Variants in DHRS12 observed in about 807,000 individuals in gnomAD.
DHRS12 encodes dehydrogenase/reductase 12, also known as dehydrogenase/reductase SDR family member 12.
A neutral mutation model predicts 32.1 loss-of-function variants in DHRS12; 29 were observed. That is an observed-to-expected ratio of 0.90 (90% CI 0.67 to 1.23). The LOEUF (loss-of-function observed/expected upper bound fraction) is 1.23. Ranked by LOEUF, DHRS12 falls within the 50% of genes most tolerant of loss-of-function variation. The probability of loss-of-function intolerance (pLI) is 0.00; values close to 1 mark genes in which losing one functional copy is unlikely to be tolerated. For missense variants in DHRS12, 330 were observed against 337.2 expected (o/e 0.98, Z 0.17); for synonymous variants, 150 against 135.9 (o/e 1.10, Z -0.72).
chr13:51,769,202 G>A lies in DHRS12; in HGVS notation c.651C>T (p.Ala217=). ...AQGADTMLWL[A]LSSAAAAQPS... ...GCTGTGCGGCTGCGGCAGAGGAGAG[G>A]GCCAGCCACAGCATGGTGTCCGCGC... The change falls in exon 8 of 9, where the codon GCC becomes GCT. Residue 217 remains alanine (A), a synonymous_variant. Transcript: ENST00000444610. 6.4e-7 allele frequency: 1 copy of A among 1,566,992 alleles called. No individual in the cohort carries two copies. Among genetic ancestry groups the A allele is most frequent in the Non-Finnish European group, 8.6e-7 (1 of 1,157,198 alleles).
rs764740741 is a variant in DHRS12, at chr13:51,769,208, C to CCA, written c.643_644dup (p.Trp215CysfsTer81). 143 of 1,572,990 alleles carry CCA rather than the reference C, an allele frequency of 9.1e-5. No homozygotes were observed. Among genetic ancestry groups the CCA allele is most frequent in the Middle Eastern group, 2.1e-4 (1 of 4,776 alleles). ...CGGCTGCGGCAGAGGAGAGGGCCAG[C>CCA]CACAGCATGGTGTCCGCGCCCTGGG... On this transcript the variant is annotated frameshift_variant, in exon 8 of 9. Transcript: ENST00000444610. LOFTEE classifies it high-confidence loss of function.
chr13:51,770,942 T>C (rs1460786739), intron 7 of DHRS12: 1 of 1,288,918 alleles, frequency 7.8e-7, no homozygotes. Context: ...AACCTTGTTT[T>C]CCCTATCTTT....
At chr13:51,756,367 C>T in the DHRS12 span, 1 of 1,613,946 alleles carries the variant, frequency 6.2e-7, no homozygotes, top group Non-Finnish European at 8.5e-7. Context: ...CCGTCTGTGG[C>T]AAGTGCAGCT....
the DHRS12 span, chr13:51,761,810 A>C: frequency 6.6e-6 from 1 of 152,308 alleles, no homozygotes; most frequent in East Asian, 1.9e-4. Flanking sequence ...GGTACATGGA[A>C]GCTGTCACTT....
At chr13:51,756,443 G>A in the DHRS12 span, 11 of 1,613,894 alleles carry the variant, frequency 6.8e-6, no homozygotes, top group South Asian at 2.2e-5. Context: ...CAGCTGCCAC[G>A]AGGCCATCAC....
chr13:51,761,201 T>A, the DHRS12 span: 5 of 152,202 alleles, frequency 3.3e-5, no homozygotes, highest in Non-Finnish European at 7.3e-5. Flanking sequence ...GCAGGCTATG[T>A]TTCTGTGGGA....
chr13:51,784,835 T>C (rs1421131868), intron 4 of DHRS12, among the ~76,000 whole-genome samples: 1 of 152,244 alleles, frequency 6.6e-6, no homozygotes, highest in African/African-American at 2.4e-5. Context: ...ACTGAAATTA[T>C]GTATGTGTCT....
chr13:51,795,119 G>A (rs552449380), intron 2 of DHRS12, among the ~76,000 whole-genome samples: 1 of 152,284 alleles, frequency 6.6e-6, no homozygotes, highest in African/African-American at 2.4e-5. Context: ...ACGTGACCTT[G>A]AGCCTTACCT....
At chr13:51,799,777 C>T in intron 1 of DHRS12, 110 bp from the exon 2 acceptor site, 2 of 1,312,932 alleles carry the variant, frequency 1.5e-6, no homozygotes, top group South Asian at 1.4e-5. Flanking sequence ...TCCGCCTCTC[C>T]CAACACATCA....
intron 1 of DHRS12, among the ~76,000 whole-genome samples, chr13:51,800,865 A>AG (rs1002645915): frequency 1.3e-5 from 2 of 152,358 alleles, no homozygotes; most frequent in African/African-American, 4.8e-5. Context: ...CAGAACATGC[A>AG]GGGCAGCTTA....
In DHRS12 at chr13:51,790,013, A is replaced by T; in HGVS notation, c.299T>A (p.Leu100Gln). ...ATAAGAAAACTTCTTGTACTTACCC[A>T]GAGTATTGGCAGCAAAGTTTTTTTC... is the stretch of plus-strand genomic sequence containing the variant. ...GLEKNFAANT[L>Q]GVYILTTGLI... The change falls in exon 4 of 9, where the codon CTG (leucine) becomes CAG (glutamine). Residue 100 changes from leucine (L) to glutamine (Q), a missense_variant and splice_region_variant. By Grantham distance (113) the Leu-to-Gln change is moderately radical. Coordinates refer to ENST00000444610, the MANE Select transcript of DHRS12 (RefSeq NM_001377533.1). The T allele has an allele frequency of 6.2e-7, 1 of 1,601,968 alleles. No individual in the cohort carries two copies. Among genetic ancestry groups the T allele is most frequent in the African/African-American group, 1.4e-5 (1 of 74,062 alleles).
At chr13:51,803,993 G>A in intron 1 of DHRS12, 61 bp downstream of exon 1, 1 of 1,390,392 alleles carries the variant, frequency 7.2e-7, no homozygotes, top group Non-Finnish European at 9.3e-7. Context: ...AACCCTGCTC[G>A]CCCGCGCCGA....
chr13:51,783,102 T>A (rs896118573), intron 4 of DHRS12, among the ~76,000 whole-genome samples: 1 of 152,184 alleles, frequency 6.6e-6, no homozygotes, highest in African/African-American at 2.4e-5. Flanking sequence ...GCAGCTTCCA[T>A]GGCTGGCAGA....
intron 1 of DHRS12, among the ~76,000 whole-genome samples, chr13:51,803,344 C>G (rs1955842521): frequency 6.6e-6 from 1 of 152,220 alleles, no homozygotes; most frequent in African/African-American, 2.4e-5. Flanking sequence ...GGCCTGAAAA[C>G]TGGGTACTTT....
At chr13:51,787,914 T>TATATAAA (rs1955063468) in intron 4 of DHRS12, among the ~76,000 whole-genome samples, 3 of 124,466 alleles carry the variant, frequency 2.4e-5, no homozygotes, top group Non-Finnish European at 4.8e-5. Flanking sequence ...AAATATATAA[T>TATATAAA]TATATATAAT....
Position 51,804,141 on chromosome 13 carries a change from G to C in DHRS12, c.-96C>G, listed in dbSNP as rs1489233011. The C allele has an allele frequency of 2.8e-6, 4 of 1,445,836 alleles. No individual in the cohort carries two copies. In the African/African-American group the frequency reaches 6.0e-5, roughly 22 times the overall value. 89.6% of individuals were successfully genotyped at this position (1,445,836 alleles called of 1,614,324 possible). On this transcript the variant is annotated 5_prime_UTR_variant, in exon 1 of 9. Transcript: ENST00000444610. ...AGCGCCCCACGCCTAGCCCCACCGC[G>C]CTCCCGGCGCGGCCTCCGCCCTGGT...
At chr13:51,771,152 CAAATGCGTTAATCCGCAGACAGCGCTG>C in intron 7 of DHRS12, 1 of 1,528,020 alleles carries the variant, frequency 6.5e-7, no homozygotes, top group Non-Finnish European at 8.8e-7. Context: ...GGCTTGAGGA[CAAATGCGTTAATCCGCAGACAGCGCTG>C]AGACCAGTTC....
intron 4 of DHRS12, among the ~76,000 whole-genome samples, chr13:51,778,677 A>G (rs1405878449): frequency 1.3e-5 from 2 of 152,048 alleles, no homozygotes; most frequent in African/African-American, 4.8e-5. Context: ...TCCTCTCAGG[A>G]TGGCGAGAGC....
At chr13:51,755,534 CA>C in the DHRS12 span, 1 of 1,446,246 alleles carries the variant, frequency 6.9e-7, no homozygotes, top group Non-Finnish European at 9.7e-7. Flanking sequence ...GAAGAAATAA[CA>C]CCCCTGGGTG....
Sources: gnomAD v4.1 joint callset for allele counts (sites outside exome capture counted in the v4.1 genomes callset) on GRCh38, gnomAD v4.1.1 for gene constraint, MANE v1.5 for transcripts, NCBI Gene and HGNC (gene_info 2026-07-23, HGNC 2026-07-21) for gene names.